ATP13A5: variants seen among roughly 807,000 people sequenced by gnomAD.
The protein encoded by ATP13A5 is ATPase 13A5.
A neutral mutation model predicts 150.2 loss-of-function variants in ATP13A5; 149 were observed. That is an observed-to-expected ratio of 0.99 (90% CI 0.87 to 1.14). The LOEUF is 1.14. Among genes scored for constraint, ATP13A5 ranks in the 50% most tolerant of loss-of-function variants. The pLI is 0.00. For synonymous variants in ATP13A5, 497 were observed against 522.2 expected, an observed-to-expected ratio of 0.95 and a Z score of 0.66; for missense variants, 1,383 against 1,449.3, an observed-to-expected ratio of 0.95 and a Z score of 0.74.
chr3:193,321,081 C>T (rs574000323), intron 16 of ATP13A5, among the ~76,000 whole-genome samples: 2 of 152,270 alleles, frequency 1.3e-5, no homozygotes, highest in East Asian at 3.9e-4. Context: ...TTCACACCTC[C>T]CCTAGTTCTC....
intron 9 of ATP13A5, among the ~76,000 whole-genome samples, chr3:193,342,548 C>CA (rs1712169271): frequency 6.6e-6 from 1 of 152,130 alleles, no homozygotes; most frequent in African/African-American, 2.4e-5. Context: ...TTCGTTTTTC[C>CA]AAAAAGGAAA....
At chr3:193,331,772 T>C (rs1711637036) in intron 11 of ATP13A5, among the ~76,000 whole-genome samples, 1 of 152,216 alleles carries the variant, frequency 6.6e-6, no homozygotes, top group Admixed American at 6.5e-5. Context: ...ATACTAACTC[T>C]GGAGCAGGAA....
chr3:193,274,805 T>A lies in ATP13A5; in HGVS notation c.*237A>T. The A allele has an allele frequency of 1.7e-6, 1 of 578,006 alleles. No homozygotes were observed. The highest frequency in any genetic ancestry group is 3.0e-6 in the Non-Finnish European group (1 of 332,966). 35.8% of individuals were successfully genotyped at this position (578,006 alleles called of 1,614,324 possible). ...ACAAAATAATGCTATGCAAAATGAA[T>A]ACAGTTTATTGAAAAGGATGATACA... On this transcript the variant is annotated 3_prime_UTR_variant, in exon 30 of 30. Transcript: ENST00000342358.
Position 193,362,436 on chromosome 3 carries a change from A to G in ATP13A5, c.481T>C (p.Ser161Pro), listed in dbSNP as rs753630727. Residue 161 changes from serine (S) to proline (P), a missense_variant, in exon 5 of 30, where the codon TCT (serine) becomes CCT (proline). Transcript: ENST00000342358. ...VGLLEDSNSC[S>P]DIHQTFGLGL... ...AATCCAAATGTCTGATGGATGTCAGAGCAGGAATTGCTGTCTTCTAGCAAC... is the reference window on the plus strand; with the variant it reads ...AATCCAAATGTCTGATGGATGTCAGGGCAGGAATTGCTGTCTTCTAGCAAC... 6.2e-7 allele frequency: 1 copy of G among 1,614,148 alleles called. No individual in the cohort carries two copies. The highest frequency in any genetic ancestry group is 8.5e-7 in the Non-Finnish European group (1 of 1,179,980).
intron 1 of ATP13A5, among the ~76,000 whole-genome samples, chr3:193,368,111 A>C (rs1022617740): frequency 9.2e-5 from 14 of 152,190 alleles, no homozygotes; most frequent in African/African-American, 3.4e-4. Flanking sequence ...AGAGTTAATA[A>C]GTGAATTTAT....
Position 193,350,760 on chromosome 3 carries a change from C to G in ATP13A5, c.741+307G>C, listed in dbSNP as rs76093454. Among the ~76,000 whole-genome samples, 60 of 152,262 alleles carry G rather than the reference C, an allele frequency of 3.9e-4. No individual in the cohort carries two copies. The East Asian group carries it at 0.012, about 29-fold the overall frequency. On this transcript the variant is annotated intron_variant, in intron 7 of 29. Transcript: ENST00000342358. ...AGTTGAGATGCTACCCCTTCATTCT[C>G]CTAAAACTATGGCTGGCATCATTAA...
chr3:193,355,210 G>A (rs1249552815), intron 5 of ATP13A5, among the ~76,000 whole-genome samples: 1 of 152,102 alleles, frequency 6.6e-6, no homozygotes, highest in East Asian at 1.9e-4. Context: ...GAGATTACAA[G>A]CGTGAGCCAG....
chr3:193,363,294 G>T lies in ATP13A5; in HGVS notation c.326C>A (p.Ser109Tyr), dbSNP rs763452286. The T allele has an allele frequency of 6.2e-7, 1 of 1,613,904 alleles. No homozygotes were observed. Among genetic ancestry groups the T allele is most frequent in the Middle Eastern group, 1.7e-4 (1 of 6,056 alleles). The part of the protein sequence containing the change: ...KFPVSKKWEE[S>Y]LVADRHSVIN... ...GACAGAGTGGCGGTCAGCCACCAGG[G>T]ATTCTTCCCACTTCTTGCTTACAGG... The change falls in exon 3 of 30, where the codon TCC becomes TAC. Residue 109 changes from serine to tyrosine, a missense_variant. Physicochemically the swap from Ser to Tyr is moderately radical, Grantham distance 144. Coordinates refer to ENST00000342358, the MANE Select transcript of ATP13A5 (RefSeq NM_198505.4).
chr3:193,298,353 C>A (rs1468765760), intron 25 of ATP13A5, among the ~76,000 whole-genome samples: 1 of 151,966 alleles, frequency 6.6e-6, no homozygotes, highest in Non-Finnish European at 1.5e-5. Flanking sequence ...CCCTAAGAAT[C>A]AAAATTGATG....
intron 17 of ATP13A5, among the ~76,000 whole-genome samples, chr3:193,317,263 T>C (rs1053298779): frequency 6.6e-6 from 1 of 152,214 alleles, no homozygotes; most frequent in Non-Finnish European, 1.5e-5. Flanking sequence ...CAAAATGACA[T>C]TCTCTGTCTT....
intron 23 of ATP13A5, among the ~76,000 whole-genome samples, chr3:193,302,402 G>T (rs191454871): frequency 0.011 from 1,653 of 152,236 alleles, 9 homozygotes; most frequent in Non-Finnish European, 0.016. Flanking sequence ...AGTATGGATC[G>T]TTTTCCCAAG....
intron 26 of ATP13A5, 83 bp from the exon 27 acceptor site, chr3:193,285,199 C>T (rs373283114): frequency 8.6e-7 from 1 of 1,160,242 alleles, no homozygotes. Context: ...TTAATCACTA[C>T]CATGGGATTT....
chr3:193,359,450 A>G (rs1295322493), intron 5 of ATP13A5, among the ~76,000 whole-genome samples: 5 of 151,712 alleles, frequency 3.3e-5, no homozygotes, highest in African/African-American at 1.2e-4. Context: ...CTGTGTTCTC[A>G]TGGAACAGTT....
intron 21 of ATP13A5, among the ~76,000 whole-genome samples, chr3:193,309,628 GCT>G (rs1172601621): frequency 6.6e-6 from 1 of 152,190 alleles, no homozygotes; most frequent in Non-Finnish European, 1.5e-5. Context: ...CGTCTTGTGT[GCT>G]CTGTCTCTGG....
intron 6 of ATP13A5, among the ~76,000 whole-genome samples, chr3:193,353,272 G>T (rs1008759829): frequency 6.7e-6 from 1 of 149,388 alleles, no homozygotes; most frequent in Non-Finnish European, 1.5e-5. Context: ...AGCACAGAGA[G>T]AAAGAGAAAA....
intron 9 of ATP13A5, 26 bp downstream of exon 9, chr3:193,343,901 G>T (rs769673901): frequency 3.1e-6 from 5 of 1,606,834 alleles, no homozygotes; most frequent in Non-Finnish European, 1.7e-6. Flanking sequence ...AGACAGGGAA[G>T]AGGAAGCTCC....
At chr3:193,344,395 A>G (rs747076272) in intron 8 of ATP13A5, among the ~76,000 whole-genome samples, 8 of 152,144 alleles carry the variant, frequency 5.3e-5, no homozygotes, top group African/African-American at 1.9e-4. Flanking sequence ...TGGTTGGTAC[A>G]CTTTGTCTTC....
chr3:193,362,379 A>C lies in ATP13A5; in HGVS notation c.536+2T>G. On this transcript the variant is annotated splice_donor_variant, in intron 5 of 29. Coordinates refer to ENST00000342358, the MANE Select transcript of ATP13A5 (RefSeq NM_198505.4). LOFTEE classifies it high-confidence loss of function. ...ACTCTTAAGGCATATAATAAGTCCTACCTGACCTCTTGCTCTTCACTGGTC... is the reference window on the plus strand; with the variant it reads ...ACTCTTAAGGCATATAATAAGTCCTCCCTGACCTCTTGCTCTTCACTGGTC... The C allele has an allele frequency of 6.2e-7, 1 of 1,613,418 alleles. No homozygotes were observed. The highest frequency in any genetic ancestry group is 8.5e-7 in the Non-Finnish European group (1 of 1,179,416).
intron 24 of ATP13A5, among the ~76,000 whole-genome samples, chr3:193,299,537 A>G (rs951328550): frequency 1.3e-5 from 2 of 152,166 alleles, no homozygotes; most frequent in Non-Finnish European, 2.9e-5. Context: ...ATGTTCCCTT[A>G]GAAATGTTAT....
Sources: allele counts gnomAD v4.1 joint callset (sites outside exome capture counted in the v4.1 genomes callset), GRCh38; gene constraint gnomAD v4.1.1; transcripts MANE v1.5; gene names NCBI Gene and HGNC (gene_info 2026-07-23, HGNC 2026-07-21).